TMEM255A: variants seen among roughly 807,000 people sequenced by gnomAD.
TMEM255A encodes the protein transmembrane protein 255A.
Under a neutral mutation model 23.5 loss-of-function variants are expected in TMEM255A, and 14 were observed. The observed-to-expected ratio is 0.60, with a 90% confidence interval of 0.39 to 0.93. TMEM255A has a LOEUF of 0.93. TMEM255A is among the 40% of genes least tolerant of loss of function. The pLI, the probability that TMEM255A is intolerant of heterozygous loss-of-function variation, is 0.00. For synonymous variants in TMEM255A, 104 were observed against 100.3 expected, an observed-to-expected ratio of 1.04 and a Z score of -0.22; for missense variants, 233 against 261.7, an observed-to-expected ratio of 0.89 and a Z score of 0.76.
chrX:120,256,667 G>A (rs1242821871), downstream of TMEM255A: 3 of 122,575 alleles, frequency 2.4e-5, no homozygotes, highest in Non-Finnish European at 5.7e-5. Flanking sequence ...TAAACACTTA[G>A]AAAATAAAGT....
intron 7 of TMEM255A, among the ~76,000 whole-genome samples, chrX:120,273,956 A>G (rs180976222): frequency 1.3e-3 from 149 of 112,350 alleles, no homozygotes; most frequent in Non-Finnish European, 2.5e-3. Flanking sequence ...CTTGTAAGTG[A>G]TTGTTCATGA....
chrX:120,304,569 G>A (rs1361193754), intron 1 of TMEM255A, 78 bp from the exon 2 acceptor site: 2 of 1,079,409 alleles, frequency 1.9e-6, no homozygotes, highest in African/African-American at 3.7e-5. Context: ...ACACTAAGAA[G>A]GTTTTCCTTT....
At chrX:120,293,645 A>C (rs1054468568) in intron 3 of TMEM255A, among the ~76,000 whole-genome samples, 28 of 112,557 alleles carry the variant, frequency 2.5e-4, no homozygotes, top group Non-Finnish European at 3.8e-4. Flanking sequence ...GTAGTAACAG[A>C]AATGTAAGCA....
At chrX:120,255,078 T>C, downstream of TMEM255A, 1 of 1,212,167 alleles carries the variant, frequency 8.2e-7, no homozygotes, top group Non-Finnish European at 1.1e-6. Flanking sequence ...GTGTTTGGCC[T>C]GTGGCAAATC....
intron 1 of TMEM255A, among the ~76,000 whole-genome samples, chrX:120,308,542 A>G (rs2058078596): frequency 9.0e-6 from 1 of 111,634 alleles, no homozygotes; most frequent in Admixed American, 9.4e-5. Context: ...TATCCCTAGA[A>G]ACAAGTGGCT....
rs782685773 is a variant in TMEM255A, at chrX:120,260,166, T to C, written c.*704A>G. The C allele has an allele frequency of 7.0e-5, 52 of 738,519 alleles. No homozygotes were observed. The highest frequency in any genetic ancestry group is 7.8e-5 in the Non-Finnish European group (49 of 625,617). The allele number at this position is 738,519 out of a possible 1,213,427, so 60.9% of individuals were successfully genotyped here. The stretch of plus-strand genomic sequence containing the variant: ...AGTGATCTACTTAAAACATCTCACA[T>C]GTTGCTGTGTATTTCAGTGTTTCCG... On this transcript the variant is annotated 3_prime_UTR_variant, in exon 9 of 9. Coordinates refer to ENST00000371369, the MANE Select transcript of TMEM255A (RefSeq NM_001104544.3).
chrX:120,271,074 T>C (rs1209735785), intron 7 of TMEM255A, among the ~76,000 whole-genome samples: 1 of 111,572 alleles, frequency 9.0e-6, no homozygotes, highest in Non-Finnish European at 1.9e-5. Flanking sequence ...TGGTCCTTGA[T>C]AGAGTTCCCG....
intron 6 of TMEM255A, among the ~76,000 whole-genome samples, chrX:120,279,101 C>T (rs782628236): frequency 9.0e-6 from 1 of 111,648 alleles, no homozygotes; most frequent in East Asian, 2.8e-4. Context: ...TGTTTGAGAC[C>T]CACTGTTTTT....
Position 120,291,189 on chromosome X carries a change from A to G in TMEM255A, c.354+62T>C, listed in dbSNP as rs963390485. 26 of 890,864 alleles carry G rather than the reference A, an allele frequency of 2.9e-5. No homozygotes were observed. In the African/African-American group the frequency reaches 4.7e-4, roughly 16 times the overall value. 73.4% of individuals were successfully genotyped at this position (890,864 alleles called of 1,213,427 possible). A position where few individuals can be genotyped will look rare whatever the true frequency, so the allele number is the denominator to read the frequency against. On this transcript the variant is annotated intron_variant, in intron 4 of 8. Coordinates refer to ENST00000371369, the MANE Select transcript of TMEM255A (RefSeq NM_001104544.3). ...AAGCAAAGGACTGAACATCGAGCACACATTCAGTGGGGCCTTGTTGTATTG... is the reference window on the plus strand; with the variant it reads ...AAGCAAAGGACTGAACATCGAGCACGCATTCAGTGGGGCCTTGTTGTATTG...
At chrX:120,310,077 A>T (rs1415235266) in intron 1 of TMEM255A, 1 of 110,646 alleles carries the variant, frequency 9.0e-6, no homozygotes, top group Non-Finnish European at 1.9e-5. Flanking sequence ...CCTCCACTCG[A>T]GATGTTCCCG....
At chrX:120,284,914 C>A (rs954009938) in intron 6 of TMEM255A, among the ~76,000 whole-genome samples, 1 of 112,335 alleles carries the variant, frequency 8.9e-6, no homozygotes, top group East Asian at 2.8e-4. Flanking sequence ...CTGCATACAT[C>A]ATAAGTAAGA....
intron 8 of TMEM255A, among the ~76,000 whole-genome samples, chrX:120,265,491 A>C (rs2057710699): frequency 8.9e-6 from 1 of 111,762 alleles, no homozygotes; most frequent in Admixed American, 9.4e-5. Flanking sequence ...GAGTAAAGAG[A>C]CCCTTTCTGA....
At chrX:120,261,906 A>G (rs782439040) in intron 8 of TMEM255A, among the ~76,000 whole-genome samples, 6 of 112,094 alleles carry the variant, frequency 5.4e-5, no homozygotes, top group African/African-American at 1.6e-4. Context: ...AGCTCAGAAC[A>G]GTACTTGCCA....
chrX:120,299,445 CT>C (rs2058019722), intron 2 of TMEM255A, among the ~76,000 whole-genome samples: 1 of 111,304 alleles, frequency 9.0e-6, no homozygotes, highest in Non-Finnish European at 1.9e-5. Flanking sequence ...TCCTAAGTAG[CT>C]GGGACTACAG....
intron 2 of TMEM255A, among the ~76,000 whole-genome samples, chrX:120,299,033 T>C (rs1878889701): frequency 8.9e-6 from 1 of 112,110 alleles, no homozygotes; most frequent in Admixed American, 9.4e-5. Flanking sequence ...GAGACTAGGC[T>C]GAGGGCATCT....
intron 2 of TMEM255A, among the ~76,000 whole-genome samples, chrX:120,301,410 G>T (rs1205165630): frequency 8.9e-6 from 1 of 112,078 alleles, no homozygotes; most frequent in Non-Finnish European, 1.9e-5. Context: ...TAAATAAGCT[G>T]AAACTTTTTC....
At position 120,311,174 on chromosome X, in the gene TMEM255A, G is replaced by T. The variant is rs2058098780; in HGVS notation, c.58+78C>A. ...TTCCCGCTCTCCGGCTTTTGGGGCA[G>T]CTGGGGCGTTCACAGTCCAGAGGCC... On this transcript the variant is annotated intron_variant, in intron 1 of 8. Coordinates refer to ENST00000371369, the MANE Select transcript of TMEM255A (RefSeq NM_001104544.3). 2.8e-5 allele frequency: 26 copies of T among 925,372 alleles called. 1 individual carries two copies. In the South Asian group the frequency reaches 5.3e-4, roughly 19 times the overall value. 76.3% of individuals were successfully genotyped at this position (925,372 alleles called of 1,213,427 possible).
intron 3 of TMEM255A, among the ~76,000 whole-genome samples, chrX:120,291,753 A>G (rs1556023029): frequency 1.8e-5 from 2 of 108,201 alleles, no homozygotes. Context: ...TGGTGTGCCC[A>G]GGGTCTCCAT....
In TMEM255A at chrX:120,259,433, A is replaced by G. The variant is rs1182917471; in HGVS notation, c.*1437T>C. On this transcript the variant is annotated 3_prime_UTR_variant, in exon 9 of 9. Transcript: ENST00000371369. ...CTTGATGGCTAAGTGTCTACAAGGT[A>G]GATGGGAGCACCAGCATTTGCGCTA... 2 of 112,452 alleles carry G rather than the reference A, an allele frequency of 1.8e-5. No homozygotes were observed. The highest frequency in any genetic ancestry group is 6.5e-5 in the African/African-American group (2 of 30,852). The allele number at this position is 112,452 out of a possible 1,213,427, so 9.3% of individuals were successfully genotyped here. A position where few individuals can be genotyped will look rare whatever the true frequency, so the allele number is the denominator to read the frequency against.
Sources: gnomAD v4.1 joint callset for allele counts (sites outside exome capture counted in the v4.1 genomes callset) on GRCh38, gnomAD v4.1.1 for gene constraint, MANE v1.5 for transcripts, NCBI Gene and HGNC (gene_info 2026-07-23, HGNC 2026-07-21) for gene names.